Variants in CLSTN1 observed in about 807,000 individuals in gnomAD.
The protein encoded by CLSTN1 is calsyntenin-1.
CLSTN1 carries 28 observed loss-of-function variants against 108.3 expected under a neutral mutation model. The observed-to-expected ratio is 0.26, with a 90% CI of 0.19 to 0.35. The LOEUF (loss-of-function observed/expected upper bound fraction) is 0.35, where lower values mean the gene tolerates loss of function less well. Among genes scored for constraint, CLSTN1 ranks in the 10% least tolerant of loss-of-function variants. The pLI, the probability that CLSTN1 is intolerant of heterozygous loss-of-function variation, is 1.00. For synonymous variants in CLSTN1, 524 were observed against 534.9 expected, an observed-to-expected ratio of 0.98 and a Z score of 0.28; for missense variants, 1,157 against 1,302.6, an observed-to-expected ratio of 0.89 and a Z score of 1.72.
intron 2 of CLSTN1, among the ~76,000 whole-genome samples, chr1:9,762,141 A>G (rs1652104182): frequency 6.6e-6 from 1 of 152,160 alleles, no homozygotes; most frequent in South Asian, 2.1e-4. Context: ...TCTGTGCCCA[A>G]TGGGAAACGG....
intron 2 of CLSTN1, among the ~76,000 whole-genome samples, chr1:9,758,228 G>C (rs1651911115): frequency 6.6e-6 from 1 of 151,912 alleles, no homozygotes; most frequent in African/African-American, 2.4e-5. Context: ...CCTGGCATCA[G>C]GTGATCCGCC....
At chr1:9,808,006 G>A (rs998515995) in intron 1 of CLSTN1, among the ~76,000 whole-genome samples, 11 of 152,208 alleles carry the variant, frequency 7.2e-5, no homozygotes, top group African/African-American at 1.9e-4. Flanking sequence ...ATCCTGCGGC[G>A]CTGCCACTCC....
intron 1 of CLSTN1, chr1:9,780,960 G>T: frequency 2.2e-6 from 1 of 450,466 alleles, no homozygotes. Context: ...CATCACATGA[G>T]GTGTGGAATT....
intron 16 of CLSTN1, 72 bp from the exon 17 acceptor site, chr1:9,731,968 C>T (rs573778123): frequency 3.1e-6 from 5 of 1,591,248 alleles, no homozygotes; most frequent in Non-Finnish European, 4.3e-6. Context: ...AGTGGAGTCC[C>T]GCAGCTGGCA....
rs199917305 is a variant in CLSTN1, at chr1:9,744,621, C to T, written c.1008G>A (p.Glu336=). 3 of 1,612,012 alleles carry T rather than the reference C, an allele frequency of 1.9e-6. No individual in the cohort carries two copies. The highest frequency in any genetic ancestry group is 2.2e-5 in the East Asian group (1 of 44,868). ...GGGATCCACTCGGGGATGGCAGCAG[C>T]TCGGCAGTGCCCGCGGCCGCACCTG... The part of the protein sequence containing the change: ...RLCGAAAGTA[E]LLPSPSGSLN... The change falls in exon 8 of 19, where the codon GAG becomes GAA. Residue 336 remains glutamate (E), a synonymous_variant. Coordinates refer to ENST00000377298, the MANE Select transcript of CLSTN1 (RefSeq NM_001009566.3).
intron 4 of CLSTN1, 54 bp downstream of exon 4, chr1:9,755,060 G>A: frequency 6.6e-7 from 1 of 1,509,670 alleles, no homozygotes; most frequent in Non-Finnish European, 9.1e-7. Flanking sequence ...TTTTCGTTCT[G>A]CGCACACACG....
Position 9,734,180 on chromosome 1 carries a change from C to T in CLSTN1, c.2111-38G>A. ...CCCAACCAGAAATATTAAGTAGGGG[C>T]AGTGGGGCCCAGCGTGGCGGGGCAC... On this transcript the variant is annotated intron_variant, in intron 14 of 18. Transcript: ENST00000377298. This position sits in a 1 kb window ranked among gnomAD's most constrained non-coding sequence, Gnocchi z 4.8. The T allele has an allele frequency of 6.2e-7, 1 of 1,605,426 alleles. No homozygotes were observed. Among genetic ancestry groups the T allele is most frequent in the Non-Finnish European group, 8.5e-7 (1 of 1,174,054 alleles).
At chr1:9,731,933 A>G in intron 16 of CLSTN1, 37 bp from the exon 17 acceptor site, 1 of 1,613,096 alleles carries the variant, frequency 6.2e-7, no homozygotes, top group South Asian at 1.1e-5. Flanking sequence ...GGAGACAGGC[A>G]TCCTGAGCCT....
At chr1:9,777,980 C>T (rs1028170074) in intron 1 of CLSTN1, among the ~76,000 whole-genome samples, 2 of 151,984 alleles carry the variant, frequency 1.3e-5, no homozygotes, top group Admixed American at 6.6e-5. Context: ...GGGGAGAAGA[C>T]GGCAGGGGAG....
At chr1:9,735,237 A>T in intron 13 of CLSTN1, 63 bp from the exon 14 acceptor site, 1 of 1,561,472 alleles carries the variant, frequency 6.4e-7, no homozygotes, top group Non-Finnish European at 8.8e-7. Flanking sequence ...CCACCTGTGC[A>T]AAGGCACATG....
intron 1 of CLSTN1, among the ~76,000 whole-genome samples, chr1:9,822,758 T>C (rs574842811): frequency 6.6e-6 from 1 of 152,306 alleles, no homozygotes; most frequent in South Asian, 2.1e-4. Flanking sequence ...GGTTAAAAGC[T>C]AATAATAAAT....
chr1:9,807,070 G>A (rs1024802788), intron 1 of CLSTN1, among the ~76,000 whole-genome samples: 2 of 152,008 alleles, frequency 1.3e-5, no homozygotes, highest in African/African-American at 4.8e-5. Flanking sequence ...TGGTGCCACA[G>A]GTGCGGCAGA....
Position 9,776,862 on chromosome 1 carries a change from T to TTATGTATCATCTATCAGCATTTATCTATC in CLSTN1, c.92-3469_92-3468insGATAGATAAATGCTGATAGATGATACATA, listed in dbSNP as rs1652975372. Among the ~76,000 whole-genome samples the TTATGTATCATCTATCAGCATTTATCTATC allele has an allele frequency of 6.6e-4, 92 of 140,118 alleles. 1 individual carries two copies. The highest frequency in any genetic ancestry group is 2.7e-3 in the African/African-American group (90 of 33,784). 91.9% of individuals were successfully genotyped at this position (140,118 alleles called of 152,430 possible). A position where few individuals can be genotyped will look rare whatever the true frequency, so the allele number is the denominator to read the frequency against. On this transcript the variant is annotated intron_variant, in intron 1 of 18. Transcript: ENST00000377298. The stretch of plus-strand genomic sequence containing the variant: ...GCATTTATCTATCATCTATCAGCAT[T>TTATGTATCATCTATCAGCATTTATCTATC]TATCTATCTATCTATCTATCTATCT...
At chr1:9,779,786 G>C (rs1179749289) in intron 1 of CLSTN1, among the ~76,000 whole-genome samples, 3 of 151,892 alleles carry the variant, frequency 2.0e-5, no homozygotes, top group African/African-American at 7.3e-5. Flanking sequence ...TAGAGTTACA[G>C]ATGTAAGATA....
At chr1:9,733,289 T>C in intron 16 of CLSTN1, 112 bp downstream of exon 16, 1 of 1,336,410 alleles carries the variant, frequency 7.5e-7, no homozygotes, top group Non-Finnish European at 1.1e-6. Context: ...TGAGCCTGTA[T>C]AGCTGCCATC....
In CLSTN1 at chr1:9,780,771, C is replaced by T. The variant is rs183451982; in HGVS notation, c.92-7377G>A. ...GTGTCACCTATGTCGGAAGTCTATA[C>T]CTGACTCATTTCATCACATTCTAGG... On this transcript the variant is annotated intron_variant, in intron 1 of 18. Coordinates refer to ENST00000377298, the MANE Select transcript of CLSTN1 (RefSeq NM_001009566.3). The T allele has an allele frequency of 4.4e-4, 73 of 164,070 alleles. 1 individual carries two copies. The highest frequency in any genetic ancestry group is 3.5e-3 in the Admixed American group (54 of 15,488). The allele number at this position is 164,070 out of a possible 1,614,324, so 10.2% of individuals were successfully genotyped here.
chr1:9,732,542 C>T (rs1027929705), intron 16 of CLSTN1, among the ~76,000 whole-genome samples: 25 of 152,194 alleles, frequency 1.6e-4, no homozygotes, highest in Admixed American at 1.4e-3. Context: ...ATATCTCTTA[C>T]CCTTTGACTC....
chr1:9,806,224 G>C (rs939886756), intron 1 of CLSTN1, among the ~76,000 whole-genome samples: 6 of 151,946 alleles, frequency 3.9e-5, no homozygotes, highest in Non-Finnish European at 7.4e-5. Flanking sequence ...CAGGGCAGGG[G>C]GGGTGGAGGG....
chr1:9,810,242 G>A (rs920884890), intron 1 of CLSTN1, among the ~76,000 whole-genome samples: 5 of 151,280 alleles, frequency 3.3e-5, no homozygotes, highest in African/African-American at 4.9e-5. Flanking sequence ...TTGAGAGGCC[G>A]AGGCAGGTGG....
Sources: allele counts gnomAD v4.1 joint callset (sites outside exome capture counted in the v4.1 genomes callset), GRCh38; gene constraint gnomAD v4.1.1; non-coding constraint Gnocchi (gnomAD v3.1); transcripts MANE v1.5; gene names NCBI Gene and HGNC (gene_info 2026-07-23, HGNC 2026-07-21).